The following ZNF528 variants were observed in gnomAD, a reference collection of about 807,000 sequenced individuals.
ZNF528 encodes the protein zinc finger protein 528.
A neutral mutation model predicts 13.3 loss-of-function variants in ZNF528; 9 were observed. The observed-to-expected ratio is 0.67, with a 90% CI of 0.41 to 1.18. The LOEUF is 1.18. ZNF528 is among the 50% of genes most tolerant of loss of function. The probability of loss-of-function intolerance (pLI) is 0.01; values close to 1 mark genes in which losing one functional copy is unlikely to be tolerated. For synonymous variants in ZNF528, 264 were observed against 254.3 expected (o/e 1.04, Z -0.36); for missense variants, 858 against 745.4 (o/e 1.15, Z -1.76).
chr19:52,417,184 G>A lies in ZNF528; in HGVS notation c.*445G>A, dbSNP rs550444488. The A allele has an allele frequency of 4.8e-5, 12 of 251,440 alleles. No homozygotes were observed. The highest frequency in any genetic ancestry group is 1.2e-4 in the East Asian group (1 of 8,242). 15.6% of individuals were successfully genotyped at this position (251,440 alleles called of 1,614,324 possible). On this transcript the variant is annotated 3_prime_UTR_variant, in exon 7 of 7. Transcript: ENST00000360465. ...AGGCTACTTTACTCTTTGTGACTTCGAAATCTTTTCATGTGCCTTCCATAC... is the reference window on the plus strand; with the variant it reads ...AGGCTACTTTACTCTTTGTGACTTCAAAATCTTTTCATGTGCCTTCCATAC...
Position 52,406,548 on chromosome 19 carries a change from T to C in ZNF528, c.176T>C (p.Met59Thr), listed in dbSNP as rs762392045. 2.5e-6 allele frequency: 4 copies of C among 1,613,924 alleles called. No individual in the cohort carries two copies. The African/African-American group carries it at 4.0e-5, about 16-fold the overall frequency. ...CTTCCTGACCTGAGTGTTACCTCCA[T>C]GTTAGAGCAAAAGAGAGATCCCTGG... Reference protein sequence around the residue: ...ICLPDLSVTSMLEQKRDPWTL... With the variant: ...ICLPDLSVTSTLEQKRDPWTL... The change falls in exon 6 of 7, where the codon ATG becomes ACG. Residue 59 changes from methionine (M) to threonine (T), a missense_variant. Transcript: ENST00000360465.
At chr19:52,407,533 T>C (rs1286352356) in intron 6 of ZNF528, among the ~76,000 whole-genome samples, 3 of 151,508 alleles carry the variant, frequency 2.0e-5, no homozygotes, top group African/African-American at 7.3e-5. Context: ...CCCAGCACTT[T>C]GTGGGGCTGA....
At position 52,416,063 on chromosome 19, in the gene ZNF528, C is replaced by T. The variant is rs779304675; in HGVS notation, c.1211C>T (p.Thr404Ile). The T allele has an allele frequency of 6.2e-7, 1 of 1,614,022 alleles. No individual in the cohort carries two copies. The highest frequency in any genetic ancestry group is 8.5e-7 in the Non-Finnish European group (1 of 1,180,034). ...CFLTSHQRIH[T>I]RERPYGCSQC... ...CTGACCTCTCATCAGAGAATTCATA[C>T]TAGAGAGAGACCTTATGGATGCAGT... is the stretch of plus-strand genomic sequence containing the variant. The change falls in exon 7 of 7, where the codon ACT becomes ATT. Residue 404 changes from threonine to isoleucine, a missense_variant. Physicochemically the swap from Thr to Ile is moderately conservative, Grantham distance 89. Transcript: ENST00000360465.
intron 6 of ZNF528, 179 bp downstream of exon 6, chr19:52,406,822 C>A: frequency 1.4e-6 from 1 of 719,788 alleles, no homozygotes; most frequent in Non-Finnish European, 2.0e-6. Flanking sequence ...CAGCCATGAG[C>A]CACTGTACCC....
Position 52,415,634 on chromosome 19 carries a change from G to T in ZNF528, c.782G>T (p.Arg261Ile), listed in dbSNP as rs1431286081. Residue 261 changes from arginine to isoleucine, a missense_variant, in exon 7 of 7, where the codon AGA (arginine) becomes ATA (isoleucine). Coordinates refer to ENST00000360465, the MANE Select transcript of ZNF528 (RefSeq NM_032423.3). ...SSNSNLSQHQ[R>I]IHTGEKPYKC... ...AATTCAAACCTTTCACAACATCAAA[G>T]AATTCATACTGGAGAGAAGCCTTAC... 6.2e-7 allele frequency: 1 copy of T among 1,613,916 alleles called. No individual in the cohort carries two copies. Among genetic ancestry groups the T allele is most frequent in the Admixed American group, 1.7e-5 (1 of 59,990 alleles).
At chr19:52,401,481 C>T (rs2122509871) in intron 2 of ZNF528, among the ~76,000 whole-genome samples, 1 of 152,082 alleles carries the variant, frequency 6.6e-6, no homozygotes, top group Non-Finnish European at 1.5e-5. Flanking sequence ...AGAGCTCAGC[C>T]CTGCCTGATC....
Position 52,416,303 on chromosome 19 carries a change from A to G in ZNF528, c.1451A>G (p.His484Arg), listed in dbSNP as rs760190439. The G allele has an allele frequency of 1.5e-5, 24 of 1,614,056 alleles. No homozygotes were observed. The highest frequency in any genetic ancestry group is 3.3e-5 in the South Asian group (3 of 91,088). ...TACAAGTCTTCTCTAACCAGTCATC[A>G]TAGAATTCATACTGGAGAGAAGCCT... ...FRYKSSLTSH[H>R]RIHTGEKPYK... The change falls in exon 7 of 7, where the codon CAT (histidine) becomes CGT (arginine). Residue 484 changes from histidine (H) to arginine (R), a missense_variant. His to Arg is a conservative substitution (Grantham distance 29, BLOSUM62 0). Transcript: ENST00000360465.
chr19:52,416,581 C>T lies in ZNF528; in HGVS notation c.1729C>T (p.His577Tyr), dbSNP rs747528071. Reference sequence around the variant, plus strand: ...TGCAATCCATACTGAAAAGAAATCTCATGAGTGTAAAGAATGTGGCAAGAT... The same window carrying T: ...TGCAATCCATACTGAAAAGAAATCTTATGAGTGTAAAGAATGTGGCAAGAT... Reference protein sequence around the residue: ...HLAIHTEKKSHECKECGKIFT... With the variant: ...HLAIHTEKKSYECKECGKIFT... The change falls in exon 7 of 7, where the codon CAT becomes TAT. Residue 577 changes from histidine to tyrosine, a missense_variant. Coordinates refer to ENST00000360465, the MANE Select transcript of ZNF528 (RefSeq NM_032423.3). 6.2e-7 allele frequency: 1 copy of T among 1,614,002 alleles called. No individual in the cohort carries two copies. The highest frequency in any genetic ancestry group is 8.5e-7 in the Non-Finnish European group (1 of 1,179,980).
rs140078061 is a variant in ZNF528, at chr19:52,415,195, T to G, written c.343T>G (p.Leu115Val). 11 of 1,612,824 alleles carry G rather than the reference T, an allele frequency of 6.8e-6. No homozygotes were observed. Among genetic ancestry groups the G allele is most frequent in the African/African-American group, 6.7e-5 (5 of 74,894 alleles). Residue 115 changes from leucine to valine, a missense_variant, in exon 7 of 7, where the codon TTA becomes GTA. By Grantham distance (32) the Leu-to-Val change is conservative. Coordinates refer to ENST00000360465, the MANE Select transcript of ZNF528 (RefSeq NM_032423.3). ...CKNQLGFTFQ[L>V]HLSDLQLFQA... Reference sequence around the variant, plus strand: ...AAATCAACTTGGATTCACTTTTCAGTTACATCTGAGTGATCTACAGCTATT... The same window carrying G: ...AAATCAACTTGGATTCACTTTTCAGGTACATCTGAGTGATCTACAGCTATT...
At chr19:52,411,499 C>A (rs560221950) in intron 6 of ZNF528, 20 of 152,240 alleles carry the variant, frequency 1.3e-4, no homozygotes, top group African/African-American at 4.8e-4. Context: ...ATAACAAATA[C>A]CAGTGAATTT....
chr19:52,413,151 T>C (rs1208259037), intron 6 of ZNF528: 2 of 152,194 alleles, frequency 1.3e-5, no homozygotes, highest in African/African-American at 4.8e-5. Context: ...TCTGGAATTG[T>C]GGCCCAGGCG....
intron 6 of ZNF528, chr19:52,414,104 A>G (rs2058967335): frequency 1.5e-6 from 1 of 664,060 alleles, no homozygotes; most frequent in Non-Finnish European, 2.7e-6. Context: ...ACTTTAGAGC[A>G]CCGACCTCAT....
At chr19:52,403,659 CAAAA>C (rs398035018) in intron 4 of ZNF528, among the ~76,000 whole-genome samples, 3 of 84,970 alleles carry the variant, frequency 3.5e-5, no homozygotes, top group African/African-American at 5.0e-5. Context: ...GACTCCATCT[CAAAA>C]AAAAAAAAAA....
chr19:52,410,371 T>A (rs1599832863), intron 6 of ZNF528, among the ~76,000 whole-genome samples: 2 of 152,170 alleles, frequency 1.3e-5, no homozygotes, highest in East Asian at 3.9e-4. Context: ...GGTCAGCGGC[T>A]TGATTTACAG....
chr19:52,406,434 A>G (rs2058856778), intron 5 of ZNF528, 81 bp from the exon 6 acceptor site: 3 of 1,532,240 alleles, frequency 2.0e-6, no homozygotes. Flanking sequence ...ATTTAATTAT[A>G]ATATCCTCTC....
At chr19:52,408,724 G>A (rs116577393) in intron 6 of ZNF528, among the ~76,000 whole-genome samples, 2,596 of 151,706 alleles carry the variant, frequency 0.017, 82 homozygotes, top group African/African-American at 0.06. Flanking sequence ...CAGACACCAC[G>A]CCCAACTAGT....
chr19:52,409,504 A>G (rs1236260678), intron 6 of ZNF528, among the ~76,000 whole-genome samples: 2 of 151,720 alleles, frequency 1.3e-5, no homozygotes, highest in Non-Finnish European at 2.9e-5. Flanking sequence ...TTAATTGTCT[A>G]TCTCATTTAT....
At chr19:52,414,613 G>C in intron 6 of ZNF528, 1 of 420,588 alleles carries the variant, frequency 2.4e-6, no homozygotes, top group African/African-American at 2.0e-5. Context: ...CAAACCTTCT[G>C]GTGTCAGGCG....
chr19:52,401,758 C>A lies in ZNF528; in HGVS notation c.-68+5C>A. ...GGAATCCACTCAACAGACGAGGTAC[C>A]TTAACCACATAATGGTTGATTTCCA... On this transcript the variant is annotated splice_donor_5th_base_variant and intron_variant, in intron 3 of 6. Transcript: ENST00000360465. 6.9e-7 allele frequency: 1 copy of A among 1,459,116 alleles called. No individual in the cohort carries two copies. The allele number at this position is 1,459,116 out of a possible 1,614,324, so 90.4% of individuals were successfully genotyped here.
Sources: gnomAD v4.1 joint callset for allele counts (sites outside exome capture counted in the v4.1 genomes callset) on GRCh38, gnomAD v4.1.1 for gene constraint, MANE v1.5 for transcripts, NCBI Gene and HGNC (gene_info 2026-07-23, HGNC 2026-07-21) for gene names.